Variants in NEK1 observed in about 807,000 individuals in gnomAD.
NEK1 encodes serine/threonine-protein kinase Nek1.
A neutral mutation model predicts 182.1 loss-of-function variants in NEK1; 137 were observed. That is an observed-to-expected ratio of 0.75 (90% CI 0.65 to 0.87). The LOEUF (loss-of-function observed/expected upper bound fraction) is 0.87, where lower values mean the gene tolerates loss of function less well. NEK1 is among the 40% of genes least tolerant of loss of function. The pLI is 0.00. For synonymous variants in NEK1, 513 were observed against 492.2 expected (o/e 1.04, Z -0.56); for missense variants, 1,391 against 1,494.4 (o/e 0.93, Z 1.14).
At chr4:169,486,629 G>A (rs1749088870) in intron 23 of NEK1, among the ~76,000 whole-genome samples, 1 of 152,110 alleles carries the variant, frequency 6.6e-6, no homozygotes, top group Admixed American at 6.5e-5. Flanking sequence ...TATCTTTGAA[G>A]AACCAATAGT....
chr4:169,413,921 G>A (rs1734085983), intron 31 of NEK1, among the ~76,000 whole-genome samples: 3 of 152,182 alleles, frequency 2.0e-5, no homozygotes, highest in Non-Finnish European at 1.5e-5. Flanking sequence ...GGAGGCTGAG[G>A]CAGAAGAATC....
At chr4:169,594,178 G>A (rs1429109936) in intron 5 of NEK1, among the ~76,000 whole-genome samples, 1 of 152,094 alleles carries the variant, frequency 6.6e-6, no homozygotes, top group African/African-American at 2.4e-5. Flanking sequence ...ATAGTTGTCT[G>A]AATTACAGTT....
intron 23 of NEK1, among the ~76,000 whole-genome samples, chr4:169,492,320 G>C (rs1750254562): frequency 6.6e-6 from 1 of 152,198 alleles, no homozygotes; most frequent in Admixed American, 6.5e-5. Context: ...GAAACAGAGG[G>C]AACAGAGCCA....
In NEK1 at chr4:169,477,274, CAG is replaced by C. The variant is rs750159428; in HGVS notation, c.2282_2283del (p.Ser761Ter). On this transcript the variant is annotated frameshift_variant, in exon 26 of 36. Coordinates refer to ENST00000507142, the MANE Select transcript of NEK1 (RefSeq NM_001199397.3). LOFTEE classifies it high-confidence loss of function. ...QEDEKGKQNL[S>X]DTFEINVHED... ...TCATGAACATTTATCTCAAAAGTAT[CAG>C]AGAGATTCTGCTTTCCTTTTTCATC... 2.5e-6 allele frequency: 4 copies of C among 1,596,160 alleles called. No individual in the cohort carries two copies. Among genetic ancestry groups the C allele is most frequent in the Non-Finnish European group, 3.4e-6 (4 of 1,169,628 alleles).
intron 18 of NEK1, among the ~76,000 whole-genome samples, chr4:169,544,691 T>C (rs927689031): frequency 1.3e-4 from 19 of 151,080 alleles, no homozygotes; most frequent in Non-Finnish European, 2.4e-4. Flanking sequence ...GGGATTTGAC[T>C]TCTTCCTGGT....
At chr4:169,486,541 A>C (rs1333055216) in intron 23 of NEK1, among the ~76,000 whole-genome samples, 2 of 152,220 alleles carry the variant, frequency 1.3e-5, no homozygotes, top group African/African-American at 4.8e-5. Flanking sequence ...GAATAGAGTA[A>C]TTTCACACAG....
intron 18 of NEK1, among the ~76,000 whole-genome samples, chr4:169,545,871 G>T (rs565096495): frequency 2.0e-5 from 3 of 152,072 alleles, no homozygotes; most frequent in African/African-American, 4.8e-5. Flanking sequence ...GTCTGTTCAT[G>T]TCCTTCGCCC....
At chr4:169,569,386 G>A (rs1310002792) in intron 12 of NEK1, among the ~76,000 whole-genome samples, 4 of 151,938 alleles carry the variant, frequency 2.6e-5, no homozygotes, top group East Asian at 1.9e-4. Flanking sequence ...CTGGGATATC[G>A]TCAGCAGCTG....
In NEK1 at chr4:169,499,638, C is replaced by T. The variant is rs568138969; in HGVS notation, c.2007+7399G>A. 6.6e-5 allele frequency among the ~76,000 whole-genome samples: 10 copies of T among 152,318 alleles called. No individual in the cohort carries two copies. In the East Asian group the frequency reaches 9.6e-4, roughly 15 times the overall value. The stretch of plus-strand genomic sequence containing the variant: ...CCCCAACAGTCAGGACCCTCAGCTG[C>T]AGGTCTGTTGGAGTTTGCTGGAGAT... On this transcript the variant is annotated intron_variant, in intron 23 of 35. Transcript: ENST00000507142.
chr4:169,485,296 T>C (rs559153363), intron 23 of NEK1, among the ~76,000 whole-genome samples: 1 of 152,334 alleles, frequency 6.6e-6, no homozygotes, highest in East Asian at 1.9e-4. Context: ...ACTCTTACAA[T>C]AACTTAAGAA....
intron 12 of NEK1, among the ~76,000 whole-genome samples, chr4:169,566,159 C>T (rs1763644280): frequency 6.6e-6 from 1 of 151,924 alleles, no homozygotes; most frequent in African/African-American, 2.4e-5. Flanking sequence ...AATACAGCAA[C>T]TTAATATAAA....
At chr4:169,429,606 G>T (rs1440568121) in intron 29 of NEK1, among the ~76,000 whole-genome samples, 1 of 31,206 alleles carries the variant, frequency 3.2e-5, no homozygotes, top group Non-Finnish European at 7.2e-5. Flanking sequence ...AAGGACTCTT[G>T]CCCTGCCTTT....
intron 5 of NEK1, among the ~76,000 whole-genome samples, chr4:169,598,781 T>C (rs1028411619): frequency 1.3e-5 from 2 of 152,160 alleles, no homozygotes; most frequent in Non-Finnish European, 2.9e-5. Context: ...TAGGAATATA[T>C]AGTCTGGCAG....
At position 169,479,996 on chromosome 4, in the gene NEK1, A is replaced by G. The variant is rs138522643; in HGVS notation, c.2008-462T>C. Among the ~76,000 whole-genome samples the G allele has an allele frequency of 1.0e-3, 159 of 152,332 alleles. 1 individual carries two copies. The highest frequency in any genetic ancestry group is 3.7e-3 in the African/African-American group (154 of 41,592). Reference sequence around the variant, plus strand: ...AATGGAAGGAGAAACAGATCCAGGTAATAAGATTTACTTCACTGAAAACAT... The same window carrying G: ...AATGGAAGGAGAAACAGATCCAGGTGATAAGATTTACTTCACTGAAAACAT... On this transcript the variant is annotated intron_variant, in intron 23 of 35. Transcript: ENST00000507142.
chr4:169,495,128 C>T (rs1026246010), intron 23 of NEK1, among the ~76,000 whole-genome samples: 2 of 151,872 alleles, frequency 1.3e-5, no homozygotes, highest in African/African-American at 2.4e-5. Flanking sequence ...GCTTTTGTTG[C>T]CATTGCTTTT....
rs1757942768 is a variant in NEK1, at chr4:169,533,144, T to C, written c.1665+4665A>G. Among the ~76,000 whole-genome samples the C allele has an allele frequency of 2.6e-5, 4 of 152,210 alleles. No homozygotes were observed. In the South Asian group the frequency reaches 8.3e-4, roughly 32 times the overall value. Reference sequence around the variant, plus strand: ...CCTGCATAATTCCCAGGACTGTGAATATGACAGATTTTGTGTTAAATGCAA... The same window carrying C: ...CCTGCATAATTCCCAGGACTGTGAACATGACAGATTTTGTGTTAAATGCAA... On this transcript the variant is annotated intron_variant, in intron 19 of 35. Coordinates refer to ENST00000507142, the MANE Select transcript of NEK1 (RefSeq NM_001199397.3).
intron 24 of NEK1, 60 bp from the exon 25 acceptor site, chr4:169,477,557 A>C (rs1747199919): frequency 8.2e-7 from 1 of 1,223,650 alleles, no homozygotes; most frequent in South Asian, 1.5e-5. Flanking sequence ...TCTACCTTTA[A>C]AAATATTACA....
intron 19 of NEK1, among the ~76,000 whole-genome samples, chr4:169,537,151 T>C (rs1028777185): frequency 2.6e-5 from 4 of 152,196 alleles, no homozygotes; most frequent in Admixed American, 6.6e-5. Flanking sequence ...AGTTGTTCTG[T>C]AGACAAAATG....
chr4:169,565,851 G>A (rs79486466), intron 12 of NEK1, among the ~76,000 whole-genome samples: 10,860 of 152,104 alleles, frequency 0.071, 1,274 homozygotes, highest in African/African-American at 0.25. Context: ...TTTCCCTTGG[G>A]GTGATAAAAA....
Sources: gnomAD v4.1 joint callset for allele counts (sites outside exome capture counted in the v4.1 genomes callset) on GRCh38, gnomAD v4.1.1 for gene constraint, MANE v1.5 for transcripts, NCBI Gene and HGNC (gene_info 2026-07-23, HGNC 2026-07-21) for gene names.